Variants in ZNF365 observed in about 807,000 individuals in gnomAD.
The protein encoded by ZNF365 is protein ZNF365.
ZNF365 carries 22 observed loss-of-function variants against 35.0 expected under a neutral mutation model. That is an observed-to-expected ratio of 0.63 (90% CI 0.45 to 0.90). The LOEUF (loss-of-function observed/expected upper bound fraction) is 0.90. Ranked by LOEUF, ZNF365 falls within the 40% of genes least tolerant of loss-of-function variation. The pLI, the probability that ZNF365 is intolerant of heterozygous loss-of-function variation, is 0.00. For missense variants in ZNF365, 448 were observed against 500.3 expected (o/e 0.90, Z 1.00); for synonymous variants, 188 against 196.2 (o/e 0.96, Z 0.35).
chr10:62,376,804 T>A lies in ZNF365; in HGVS notation c.611T>A (p.Leu204Gln), dbSNP rs1657632998. 1 of 1,614,184 alleles carries A rather than the reference T, an allele frequency of 6.2e-7. No individual in the cohort carries two copies. The highest frequency in any genetic ancestry group is 1.3e-5 in the African/African-American group (1 of 75,042). ...GAAGTTCGGGCAGCTTTTGTGCAGC[T>A]GACTCAGAAAAAGCAGGAAGTTCAG... ...LLEVRAAFVQ[L>Q]TQKKQEVQRR... Residue 204 changes from leucine to glutamine, a missense_variant, in exon 2 of 5, where the codon CTG (leucine) becomes CAG (glutamine). Coordinates refer to ENST00000395254, the MANE Select transcript of ZNF365 (RefSeq NM_014951.3).
chr10:62,458,550 G>A (rs1345557809), intron 3 of ZNF365, among the ~76,000 whole-genome samples: 1 of 151,882 alleles, frequency 6.6e-6, no homozygotes, highest in Non-Finnish European at 1.5e-5. Flanking sequence ...GTGGGTGCAT[G>A]CACATGTGTT....
chr10:62,386,177 C>G lies in ZNF365; in HGVS notation c.744-2219C>G, dbSNP rs1022758670. Among the ~76,000 whole-genome samples, 3 of 152,156 alleles carry G rather than the reference C, an allele frequency of 2.0e-5. No individual in the cohort carries two copies. In the East Asian group the frequency reaches 5.8e-4, roughly 29 times the overall value. ...GATGCATTCACATGGGCCCGCCACT[C>G]GTTTGCTGCTAGTTAAAGTTTGTGG... On this transcript the variant is annotated intron_variant, in intron 2 of 4. Transcript: ENST00000395254.
chr10:62,392,580 T>C (rs1475263152), intron 3 of ZNF365, among the ~76,000 whole-genome samples: 2 of 151,354 alleles, frequency 1.3e-5, no homozygotes, highest in African/African-American at 2.4e-5. Flanking sequence ...GTGTTCTCTA[T>C]TCTGTTCCAT....
chr10:62,399,749 T>C lies in ZNF365; in HGVS notation c.1184T>C (p.Met395Thr), dbSNP rs1839794314. 2 of 1,613,702 alleles carry C rather than the reference T, an allele frequency of 1.2e-6. No individual in the cohort carries two copies. Among genetic ancestry groups the C allele is most frequent in the Non-Finnish European group, 1.7e-6 (2 of 1,179,966 alleles). Reference sequence around the variant, plus strand: ...CGCAAAGGCAACATCAGGCCCAAAATGGCTAAAAAAAAGCCAACAGCCATT... The same window carrying C: ...CGCAAAGGCAACATCAGGCCCAAAACGGCTAAAAAAAAGCCAACAGCCATT... ...FGRKGNIRPK[M>T]AKKKPTAIVN... The change falls in exon 5 of 5, where the codon ATG becomes ACG. Residue 395 changes from methionine to threonine, a missense_variant. Met to Thr is a moderately conservative substitution (Grantham distance 81). Coordinates refer to ENST00000395254, the MANE Select transcript of ZNF365 (RefSeq NM_014951.3).
Position 62,459,335 on chromosome 10 carries a change from T to C in ZNF365, c.925-406T>C, listed in dbSNP as rs78021475. On this transcript the variant is annotated intron_variant, in intron 3 of 4. Coordinates refer to the ZNF365 transcript ENST00000395255. ...CTTCCAGCTGGATCTTTTAATGGCA[T>C]AATGTGAAAGCAAGATCCACAGAAG... Among the ~76,000 whole-genome samples, 1,108 of 152,246 alleles carry C rather than the reference T, an allele frequency of 7.3e-3. 8 individuals carry two copies. Among genetic ancestry groups the C allele is most frequent in the Middle Eastern group, 0.024 (7 of 294 alleles).
chr10:62,423,729 G>T (rs767516465), intron 3 of ZNF365, among the ~76,000 whole-genome samples: 1 of 152,066 alleles, frequency 6.6e-6, no homozygotes, highest in African/African-American at 2.4e-5. Context: ...ATAGGGATTA[G>T]GGTTACAAGG....
At chr10:62,453,332 T>A (rs1293397941) in intron 3 of ZNF365, among the ~76,000 whole-genome samples, 1 of 152,180 alleles carries the variant, frequency 6.6e-6, no homozygotes, top group Non-Finnish European at 1.5e-5. Context: ...CCCCACTCAA[T>A]GTCCACGTGG....
rs1400825633 is a variant in ZNF365, at chr10:62,382,417, T to C, written c.743+5481T>C. ...TGTTCCTTGCAGACTTAGAAACTCATATAGAATAAATGACGTGTCAAGCAT... is the reference window on the plus strand; with the variant it reads ...TGTTCCTTGCAGACTTAGAAACTCACATAGAATAAATGACGTGTCAAGCAT... On this transcript the variant is annotated intron_variant, in intron 2 of 4. Transcript: ENST00000395254. 3.9e-5 allele frequency among the ~76,000 whole-genome samples: 6 copies of C among 152,172 alleles called. No homozygotes were observed. In the East Asian group the frequency reaches 1.2e-3, roughly 29 times the overall value.
intron 2 of ZNF365, among the ~76,000 whole-genome samples, chr10:62,381,683 T>C (rs1047360253): frequency 5.3e-5 from 8 of 152,208 alleles, no homozygotes; most frequent in Non-Finnish European, 7.3e-5. Context: ...AGTGTGGTCA[T>C]GATATTAAGC....
rs191326652 is a variant in ZNF365, at chr10:62,388,576, G to A, written c.924G>A (p.Val308=). The change falls in exon 3 of 5, where the codon GTG becomes GTA. Residue 308 remains valine (V), a splice_region_variant and synonymous_variant. Coordinates refer to ENST00000395254, the MANE Select transcript of ZNF365 (RefSeq NM_014951.3). The part of the protein sequence containing the change: ...SGFVRDLSGH[V]LTDISSNRKP... ...TTGTCCGTGATCTCAGCGGGCACGT[G>A]GTGAGTCACCCCGGGCCAGCCACCG... The A allele has an allele frequency of 4.3e-6, 7 of 1,613,578 alleles. No individual in the cohort carries two copies. In the East Asian group the frequency reaches 1.6e-4, roughly 36 times the overall value.
Position 62,400,400 on chromosome 10 carries a change from A to G in ZNF365, c.*611A>G. On this transcript the variant is annotated 3_prime_UTR_variant, in exon 5 of 5. Coordinates refer to ENST00000395254, the MANE Select transcript of ZNF365 (RefSeq NM_014951.3). ...TTCTCATTCCGACAGGGTGTCTTTC[A>G]GTTCGTTTGTTTGATTGAGGTTTTT... 1.0e-6 allele frequency: 1 copy of G among 986,030 alleles called. No individual in the cohort carries two copies. The highest frequency in any genetic ancestry group is 1.2e-6 in the Non-Finnish European group (1 of 830,040). 61.1% of individuals were successfully genotyped at this position (986,030 alleles called of 1,614,324 possible).
At chr10:62,386,942 A>G (rs1470417315) in intron 2 of ZNF365, among the ~76,000 whole-genome samples, 2 of 152,246 alleles carry the variant, frequency 1.3e-5, no homozygotes, top group Non-Finnish European at 2.9e-5. Flanking sequence ...AGAGCCTGAA[A>G]GGACAGAAAG....
At chr10:62,478,032 C>T (rs552583584) in intron 4 of ZNF365, among the ~76,000 whole-genome samples, 76 of 152,324 alleles carry the variant, frequency 5.0e-4, no homozygotes, top group African/African-American at 1.7e-3. Context: ...CACCCCTTCT[C>T]CAAGAAAGAC....
At chr10:62,478,536 G>A (rs1242833564) in intron 4 of ZNF365, among the ~76,000 whole-genome samples, 1 of 152,184 alleles carries the variant, frequency 6.6e-6, no homozygotes, top group Non-Finnish European at 1.5e-5. Context: ...TTCAGCTCAA[G>A]CAGGAAGGAT....
intron 2 of ZNF365, among the ~76,000 whole-genome samples, chr10:62,384,105 G>T (rs1839484566): frequency 9.2e-6 from 1 of 108,730 alleles, no homozygotes; most frequent in African/African-American, 2.9e-5. Context: ...ATAATATTTG[G>T]CCTTTTTTTT....
chr10:62,377,009 T>G, intron 2 of ZNF365, 73 bp downstream of exon 2: 1 of 1,518,274 alleles, frequency 6.6e-7, no homozygotes, highest in Non-Finnish European at 8.8e-7. Flanking sequence ...AAGCAAATGC[T>G]AAGCAAGGTT....
intron 3 of ZNF365, among the ~76,000 whole-genome samples, chr10:62,453,945 C>T (rs1345934296): frequency 2.0e-5 from 3 of 152,250 alleles, no homozygotes; most frequent in African/African-American, 4.8e-5. Flanking sequence ...TAAAAGAGTA[C>T]GGATTCTAAA....
At chr10:62,470,321 C>T (rs1443095408) in intron 4 of ZNF365, among the ~76,000 whole-genome samples, 3 of 152,184 alleles carry the variant, frequency 2.0e-5, no homozygotes, top group Admixed American at 6.5e-5. Context: ...CCATTGAGGG[C>T]GAGGAATCCT....
chr10:62,438,158 C>G (rs1446129347), intron 3 of ZNF365, among the ~76,000 whole-genome samples: 1 of 151,668 alleles, frequency 6.6e-6, no homozygotes, highest in East Asian at 1.9e-4. Flanking sequence ...AATATTATAT[C>G]TGTTTTCATA....
Sources: allele counts gnomAD v4.1 joint callset (sites outside exome capture counted in the v4.1 genomes callset), GRCh38; gene constraint gnomAD v4.1.1; transcripts MANE v1.5; gene names NCBI Gene and HGNC (gene_info 2026-07-23, HGNC 2026-07-21).